GRHL2: variants seen among roughly 807,000 people sequenced by gnomAD.
GRHL2 encodes the protein grainyhead-like protein 2 homolog.
Under a neutral mutation model 83.8 loss-of-function variants are expected in GRHL2, and 21 were observed. That is an observed-to-expected ratio of 0.25 (90% CI 0.18 to 0.36). The LOEUF is 0.36. Among genes scored for constraint, GRHL2 ranks in the 10% least tolerant of loss-of-function variants. GRHL2 has a pLI of 1.00. For missense variants in GRHL2, 623 were observed against 781.8 expected (o/e 0.80, Z 2.42); for synonymous variants, 280 against 278.9 (o/e 1.00, Z -0.04).
downstream of GRHL2, among the ~76,000 whole-genome samples, chr8:101,670,294 G>A (rs1770488058): frequency 6.6e-6 from 1 of 152,214 alleles, no homozygotes; most frequent in Non-Finnish European, 1.5e-5. Flanking sequence ...TGCTGTCCAT[G>A]ATTATCTCCC....
At chr8:101,641,550 C>T (rs1035824186) in intron 12 of GRHL2, among the ~76,000 whole-genome samples, 2 of 152,148 alleles carry the variant, frequency 1.3e-5, no homozygotes, top group African/African-American at 4.8e-5. Flanking sequence ...TCAGACCTGA[C>T]ACCTTCCCAC....
At chr8:101,658,131 G>T (rs1813839518) in intron 14 of GRHL2, among the ~76,000 whole-genome samples, 1 of 152,194 alleles carries the variant, frequency 6.6e-6, no homozygotes, top group Admixed American at 6.5e-5. Flanking sequence ...CTGTCCCAGG[G>T]TGGCACATTT....
intron 1 of GRHL2, among the ~76,000 whole-genome samples, chr8:101,533,702 G>T (rs768455959): frequency 6.6e-6 from 1 of 152,200 alleles, no homozygotes; most frequent in Non-Finnish European, 1.5e-5. Flanking sequence ...GCATTAAATA[G>T]GGTAGTCAGG....
At chr8:101,511,592 C>T (rs370225859) in intron 1 of GRHL2, among the ~76,000 whole-genome samples, 7 of 151,880 alleles carry the variant, frequency 4.6e-5, no homozygotes, top group South Asian at 2.1e-4. Flanking sequence ...GGGATCTGCC[C>T]GTTGCCTTGG....
At position 101,558,770 on chromosome 8, in the gene GRHL2, G is replaced by A. The variant is rs759026953; in HGVS notation, c.636G>A (p.Pro212=). ...TCAAAGACGACCAGCGCAGCACTCC[G>A]GACAGCACATACAGCGAGAGCTTCA... ...AYLKDDQRST[P]DSTYSESFKD... is the part of the protein sequence containing the mutation. Residue 212 remains proline, a synonymous_variant, in exon 4 of 16, where the codon CCG becomes CCA. Transcript: ENST00000646743. 2 of 1,614,080 alleles carry A rather than the reference G, an allele frequency of 1.2e-6. No homozygotes were observed. The highest frequency in any genetic ancestry group is 2.2e-5 in the East Asian group (1 of 44,864).
intron 7 of GRHL2, among the ~76,000 whole-genome samples, chr8:101,582,253 T>A (rs1220233072): frequency 7.0e-4 from 71 of 101,274 alleles, no homozygotes; most frequent in South Asian, 6.2e-4. Context: ...AAAAAAAAAA[T>A]GGGACTGACA....
intron 9 of GRHL2, among the ~76,000 whole-genome samples, chr8:101,627,710 C>T (rs1007360771): frequency 2.0e-5 from 3 of 152,098 alleles, no homozygotes; most frequent in African/African-American, 4.8e-5. Flanking sequence ...GGTTAGCCAA[C>T]GTGCGAATGC....
chr8:101,492,691 C>T lies in GRHL2; in HGVS notation c.-79C>T. 5 of 1,289,638 alleles carry T rather than the reference C, an allele frequency of 3.9e-6. No homozygotes were observed. The highest frequency in any genetic ancestry group is 5.7e-6 in the Non-Finnish European group (5 of 883,388). 79.9% of individuals were successfully genotyped at this position (1,289,638 alleles called of 1,614,324 possible). On this transcript the variant is annotated 5_prime_UTR_variant, in exon 1 of 16. Coordinates refer to ENST00000646743, the MANE Select transcript of GRHL2 (RefSeq NM_024915.4). ...CATCTCGGGCGCTCTCACACACCTT[C>T]ACCTGCACAGACTTGAAAGTCCAGT...
chr8:101,558,204 C>T (rs2130174507), intron 3 of GRHL2, among the ~76,000 whole-genome samples: 1 of 152,204 alleles, frequency 6.6e-6, no homozygotes, highest in South Asian at 2.1e-4. Flanking sequence ...CTGAGTGCTT[C>T]AGGTTGCATG....
chr8:101,535,060 G>C (rs1811015211), intron 1 of GRHL2, among the ~76,000 whole-genome samples: 1 of 152,162 alleles, frequency 6.6e-6, no homozygotes, highest in South Asian at 2.1e-4. Flanking sequence ...CAGACAGGTT[G>C]AATCACTTGT....
chr8:101,664,531 CTG>C lies in GRHL2; in HGVS notation c.1763+14_1763+15del. On this transcript the variant is annotated intron_variant, in intron 15 of 15. Coordinates refer to ENST00000646743, the MANE Select transcript of GRHL2 (RefSeq NM_024915.4). ...AAAGCAAAAAAGGGTAAGAAAGAAA[CTG>C]AACTTAAATTGACTTTCAAATCAGA... 3 of 1,587,376 alleles carry C rather than the reference CTG, an allele frequency of 1.9e-6. No homozygotes were observed. Among genetic ancestry groups the C allele is most frequent in the Non-Finnish European group, 2.6e-6 (3 of 1,156,128 alleles).
chr8:101,523,014 A>T (rs1257877603), intron 1 of GRHL2, among the ~76,000 whole-genome samples: 1 of 151,102 alleles, frequency 6.6e-6, no homozygotes, highest in African/African-American at 2.4e-5. Context: ...GGTTCAAGTG[A>T]TTCTCGTGTC....
rs71276988 is a variant in GRHL2 at position 101,598,610 on chromosome 8, T to TTA, written c.1004-447_1004-446insTA. Reference sequence around the variant, plus strand: ...TTTTTTTTTTTTTTTTTTTTTTTTTTACTAAAGTACTGATGACACTGCCTG... The same window carrying TTA: ...TTTTTTTTTTTTTTTTTTTTTTTTTTTAACTAAAGTACTGATGACACTGCCTG... On this transcript the variant is annotated intron_variant, in intron 7 of 15. Transcript: ENST00000646743. Among the ~76,000 whole-genome samples the TTA allele has an allele frequency of 4.2e-5, 6 of 144,366 alleles. No individual in the cohort carries two copies. The South Asian group carries it at 6.6e-4, about 16-fold the overall frequency. The allele number at this position is 144,366 out of a possible 152,430, so 94.7% of individuals were successfully genotyped here. A position where few individuals can be genotyped will look rare whatever the true frequency, so the allele number is the denominator to read the frequency against.
chr8:101,656,873 GACACACACAC>G (rs35693999), intron 14 of GRHL2, among the ~76,000 whole-genome samples: 112 of 147,360 alleles, frequency 7.6e-4, no homozygotes, highest in Middle Eastern at 3.4e-3. Context: ...GTGTCTAACA[GACACACACAC>G]ACACACACAC....
rs1275290306 is a variant in GRHL2 at position 101,652,569 on chromosome 8, TGTGTG to T, written c.1698+3076_1698+3080del. Among the ~76,000 whole-genome samples the T allele has an allele frequency of 4.0e-4, 49 of 121,362 alleles. No individual in the cohort carries two copies. In the East Asian group the frequency reaches 0.01, roughly 26 times the overall value. The allele number at this position is 121,362 out of a possible 152,430, so 79.6% of individuals were successfully genotyped here. A position where few individuals can be genotyped will look rare whatever the true frequency, so the allele number is the denominator to read the frequency against. ...TGTGGTGTGTATGTGTGGTGGTGTG[TGTGTG>T]GTGTGTGTGGTGTCTGTGTGTGTGT... On this transcript the variant is annotated intron_variant, in intron 14 of 15. Transcript: ENST00000646743.
chr8:101,521,773 G>A (rs1407517295), intron 1 of GRHL2, among the ~76,000 whole-genome samples: 3 of 152,040 alleles, frequency 2.0e-5, no homozygotes, highest in African/African-American at 7.2e-5. Flanking sequence ...GATTAGGGCC[G>A]ATTATAAAAA....
At chr8:101,637,080 C>T in intron 12 of GRHL2, 152 bp downstream of exon 12, 1 of 789,592 alleles carries the variant, frequency 1.3e-6, no homozygotes, top group East Asian at 2.5e-5. Flanking sequence ...TGGGGACCAT[C>T]TGGGAGGGAG....
intron 2 of GRHL2, among the ~76,000 whole-genome samples, chr8:101,547,134 C>T (rs1811283466): frequency 6.6e-6 from 1 of 152,130 alleles, no homozygotes; most frequent in African/African-American, 2.4e-5. Context: ...GTGTTCACAG[C>T]TTATATATGT....
chr8:101,589,568 T>A (rs1383580259), intron 7 of GRHL2, among the ~76,000 whole-genome samples: 1 of 152,240 alleles, frequency 6.6e-6, no homozygotes, highest in Non-Finnish European at 1.5e-5. Flanking sequence ...TCATACTCTG[T>A]GCTTATGGTC....
Sources: allele counts gnomAD v4.1 joint callset (sites outside exome capture counted in the v4.1 genomes callset), GRCh38; gene constraint gnomAD v4.1.1; transcripts MANE v1.5; gene names NCBI Gene and HGNC (gene_info 2026-07-23, HGNC 2026-07-21).